SLC36A4: variants seen among roughly 807,000 people sequenced by gnomAD.
SLC36A4 encodes solute carrier family 36 member 4.
Under a neutral mutation model 50.5 loss-of-function variants are expected in SLC36A4, and 49 were observed. That is an observed-to-expected ratio of 0.97 (90% confidence interval 0.77 to 1.23). The LOEUF (loss-of-function observed/expected upper bound fraction) is 1.23. Ranked by LOEUF, SLC36A4 falls within the 50% of genes most tolerant of loss-of-function variation. The pLI is 0.00. For synonymous variants in SLC36A4, 207 were observed against 206.5 expected, an observed-to-expected ratio of 1.00 and a Z score of -0.02; for missense variants, 611 against 608.4, an observed-to-expected ratio of 1.00 and a Z score of -0.05.
chr11:93,165,116 A>G (rs1862649019), intron 8 of SLC36A4, among the ~76,000 whole-genome samples: 1 of 152,182 alleles, frequency 6.6e-6, no homozygotes, highest in African/African-American at 2.4e-5. Flanking sequence ...ATTCACAGAG[A>G]GCAGAAACCC....
intron 9 of SLC36A4, among the ~76,000 whole-genome samples, chr11:93,162,467 C>T (rs1325609281): frequency 1.3e-5 from 2 of 152,032 alleles, no homozygotes; most frequent in African/African-American, 4.8e-5. Flanking sequence ...CGCCACCACG[C>T]CTGGCTAATT....
intron 2 of SLC36A4, 62 bp downstream of exon 2, chr11:93,185,629 A>G: frequency 1.4e-6 from 2 of 1,429,796 alleles, no homozygotes; most frequent in Non-Finnish European, 1.9e-6. Flanking sequence ...TGCCTGTAGA[A>G]GAAGATTACA....
intron 6 of SLC36A4, among the ~76,000 whole-genome samples, chr11:93,172,237 T>A (rs1861181270): frequency 6.6e-6 from 1 of 152,100 alleles, no homozygotes; most frequent in African/African-American, 2.4e-5. Context: ...ACCATTCCCT[T>A]TTTTAAAAAC....
At chr11:93,181,370 G>A (rs765390081) in intron 5 of SLC36A4, among the ~76,000 whole-genome samples, 8 of 151,894 alleles carry the variant, frequency 5.3e-5, no homozygotes, top group Non-Finnish European at 7.4e-5. Flanking sequence ...TAATGAACAC[G>A]ATTATGTCAT....
chr11:93,168,919 T>C (rs923476637), intron 6 of SLC36A4, among the ~76,000 whole-genome samples: 37 of 152,090 alleles, frequency 2.4e-4, no homozygotes, highest in Non-Finnish European at 5.0e-4. Context: ...CTATCTCTGA[T>C]CCAATTAATC....
intron 6 of SLC36A4, among the ~76,000 whole-genome samples, chr11:93,173,517 T>C (rs1375230985): frequency 6.7e-6 from 1 of 149,676 alleles, no homozygotes; most frequent in Non-Finnish European, 1.5e-5. Context: ...ATGAAGTCCT[T>C]GCACATGCCT....
chr11:93,177,133 T>C (rs1365000239), intron 6 of SLC36A4, among the ~76,000 whole-genome samples: 1 of 152,218 alleles, frequency 6.6e-6, no homozygotes, highest in Non-Finnish European at 1.5e-5. Flanking sequence ...TCCATATTTC[T>C]TGGAGGCTTT....
chr11:93,167,898 T>C (rs964177974), intron 7 of SLC36A4, 46 bp downstream of exon 7: 1 of 1,318,536 alleles, frequency 7.6e-7, no homozygotes, highest in African/African-American at 1.5e-5. Flanking sequence ...AAAATTTTAC[T>C]TACATAAGAA....
At chr11:93,170,606 A>C (rs971923580) in intron 6 of SLC36A4, among the ~76,000 whole-genome samples, 4 of 152,074 alleles carry the variant, frequency 2.6e-5, no homozygotes, top group African/African-American at 9.7e-5. Flanking sequence ...CTATCTTCTG[A>C]TTCTACAATC....
chr11:93,165,335 A>G (rs1233445321), intron 8 of SLC36A4, among the ~76,000 whole-genome samples: 1 of 152,150 alleles, frequency 6.6e-6, no homozygotes, highest in Non-Finnish European at 1.5e-5. Flanking sequence ...GCAATATTTA[A>G]TATCTTAGAA....
At chr11:93,195,453 C>T (rs1862378743) in intron 1 of SLC36A4, among the ~76,000 whole-genome samples, 1 of 152,150 alleles carries the variant, frequency 6.6e-6, no homozygotes, top group Non-Finnish European at 1.5e-5. Flanking sequence ...CTATTCACCT[C>T]CACTGCCACT....
chr11:93,153,749 T>G (rs75647801), intron 10 of SLC36A4, among the ~76,000 whole-genome samples: 1,573 of 152,140 alleles, frequency 0.01, 15 homozygotes, highest in Middle Eastern at 0.027. Flanking sequence ...AGTAAACTGT[T>G]AAAATATACA....
intron 9 of SLC36A4, among the ~76,000 whole-genome samples, chr11:93,162,255 C>T (rs758505749): frequency 2.7e-4 from 41 of 152,156 alleles, no homozygotes; most frequent in Admixed American, 9.8e-4. Flanking sequence ...CATATTTGGT[C>T]TCCTACGAAG....
chr11:93,167,881 A>G, intron 7 of SLC36A4, 63 bp downstream of exon 7: 1 of 1,078,500 alleles, frequency 9.3e-7, no homozygotes, highest in Non-Finnish European at 1.4e-6. Flanking sequence ...TTACCTCCAC[A>G]GTAAACAAAA....
At chr11:93,167,918 C>T (rs1555011835) in intron 7 of SLC36A4, 26 bp downstream of exon 7, 12 of 1,480,912 alleles carry the variant, frequency 8.1e-6, no homozygotes, top group East Asian at 2.3e-5. Context: ...AAGATAAGAA[C>T]TTAGTTAAAA....
chr11:93,164,476 C>G (rs1455863301), intron 8 of SLC36A4, among the ~76,000 whole-genome samples: 1 of 152,146 alleles, frequency 6.6e-6, no homozygotes, highest in African/African-American at 2.4e-5. Context: ...AAAAGCTTTG[C>G]ATGCAGCATT....
At chr11:93,188,065 G>A (rs1171271919) in intron 1 of SLC36A4, among the ~76,000 whole-genome samples, 1 of 152,032 alleles carries the variant, frequency 6.6e-6, no homozygotes, top group African/African-American at 2.4e-5. Context: ...CTTTTCCAAC[G>A]AAATACTAAA....
rs1376833422 is a variant in SLC36A4 at position 93,148,638 on chromosome 11, C to T, written c.1414G>A (p.Val472Ile). 2 of 1,612,594 alleles carry T rather than the reference C, an allele frequency of 1.2e-6. No individual in the cohort carries two copies. Among genetic ancestry groups the T allele is most frequent in the East Asian group, 2.2e-5 (1 of 44,806 alleles). Residue 472 changes from valine (V) to isoleucine (I), a missense_variant, in exon 11 of 11, where the codon GTT becomes ATT. By Grantham distance (29) the Val-to-Ile change is conservative. Coordinates refer to ENST00000326402, the MANE Select transcript of SLC36A4 (RefSeq NM_152313.4). Reference sequence around the variant, plus strand: ...GGAGTAGGATAAATAATTTCTTCAACAGTTATATATGTACCTAATAAGAAG... The same window carrying T: ...GGAGTAGGATAAATAATTTCTTCAATAGTTATATATGTACCTAATAAGAAG... The part of the protein sequence containing the change: ...VGFLLGTYIT[V>I]EEIIYPTPKV...
intron 6 of SLC36A4, among the ~76,000 whole-genome samples, chr11:93,176,873 G>C (rs1861499869): frequency 6.6e-6 from 1 of 152,150 alleles, no homozygotes; most frequent in Non-Finnish European, 1.5e-5. Context: ...CTCTCTGGCT[G>C]CCCTTAATAT....
Sources: allele counts gnomAD v4.1 joint callset (sites outside exome capture counted in the v4.1 genomes callset), GRCh38; gene constraint gnomAD v4.1.1; transcripts MANE v1.5; gene names NCBI Gene and HGNC (gene_info 2026-07-23, HGNC 2026-07-21).